Variants in CNTNAP5 observed in about 807,000 individuals in gnomAD.
CNTNAP5 encodes the protein contactin associated protein family member 5.
In CNTNAP5, 72 loss-of-function variants were observed where a neutral mutation model predicts 150.2. That is an observed-to-expected ratio of 0.48 (90% CI 0.40 to 0.58). The LOEUF (loss-of-function observed/expected upper bound fraction) is 0.58, where lower values mean the gene tolerates loss of function less well. CNTNAP5 is among the 20% of genes least tolerant of loss of function. CNTNAP5 has a pLI of 0.00. For missense variants in CNTNAP5, 1,636 were observed against 1,626.2 expected, an observed-to-expected ratio of 1.01 and a Z score of -0.10; for synonymous variants, 672 against 619.8, an observed-to-expected ratio of 1.08 and a Z score of -1.25.
At chr2:124,083,976 A>C (rs925031224) in intron 1 of CNTNAP5, among the ~76,000 whole-genome samples, 3 of 152,086 alleles carry the variant, frequency 2.0e-5, no homozygotes, top group African/African-American at 7.2e-5. Context: ...AGGTTTGGGG[A>C]CAACTGACAT....
chr2:124,428,936 TG>T (rs1692303964), intron 4 of CNTNAP5, among the ~76,000 whole-genome samples: 1 of 152,188 alleles, frequency 6.6e-6, no homozygotes, highest in Admixed American at 6.5e-5. Context: ...AAAGAGCCCA[TG>T]TCTACCCTTT....
intron 2 of CNTNAP5, among the ~76,000 whole-genome samples, chr2:124,223,119 G>A (rs1686367719): frequency 6.6e-6 from 1 of 152,050 alleles, no homozygotes; most frequent in Admixed American, 6.6e-5. Flanking sequence ...TTTACCTTCA[G>A]GTAGGGTTCC....
intron 13 of CNTNAP5, among the ~76,000 whole-genome samples, chr2:124,715,134 G>A (rs1679916869): frequency 6.6e-6 from 1 of 152,168 alleles, no homozygotes; most frequent in Non-Finnish European, 1.5e-5. Flanking sequence ...CAAGGCAGCT[G>A]AACTGAGTGG....
chr2:124,525,989 G>C (rs1324468900), intron 9 of CNTNAP5, among the ~76,000 whole-genome samples: 1 of 152,148 alleles, frequency 6.6e-6, no homozygotes, highest in East Asian at 1.9e-4. Context: ...GGTCCGAAAA[G>C]ATAACCTCAC....
intron 13 of CNTNAP5, among the ~76,000 whole-genome samples, chr2:124,653,032 A>G (rs1678355625): frequency 6.6e-6 from 1 of 152,226 alleles, no homozygotes; most frequent in African/African-American, 2.4e-5. Flanking sequence ...CAAATCAGTC[A>G]TGGAAGCAAG....
intron 1 of CNTNAP5, among the ~76,000 whole-genome samples, chr2:124,049,673 C>CGAT (rs1681638793): frequency 6.6e-6 from 1 of 152,060 alleles, no homozygotes; most frequent in Non-Finnish European, 1.5e-5. Context: ...ATACCTACCC[C>CGAT]GATGATTAAG....
At chr2:124,382,056 A>T (rs986297976) in intron 3 of CNTNAP5, among the ~76,000 whole-genome samples, 2 of 152,174 alleles carry the variant, frequency 1.3e-5, no homozygotes, top group African/African-American at 4.8e-5. Context: ...GATTTGTGAG[A>T]TGTATTAAGG....
intron 8 of CNTNAP5, among the ~76,000 whole-genome samples, chr2:124,522,083 C>A (rs1694858459): frequency 6.6e-6 from 1 of 152,122 alleles, no homozygotes; most frequent in Admixed American, 6.5e-5. Flanking sequence ...GCAGATGGGT[C>A]ACAGCTGCCC....
intron 13 of CNTNAP5, among the ~76,000 whole-genome samples, chr2:124,713,988 T>G (rs567256899): frequency 1.3e-5 from 2 of 152,286 alleles, no homozygotes; most frequent in African/African-American, 4.8e-5. Flanking sequence ...CTCTTGACTT[T>G]GCACATGTGG....
intron 10 of CNTNAP5, among the ~76,000 whole-genome samples, chr2:124,559,682 C>T (rs894970503): frequency 1.3e-5 from 2 of 152,090 alleles, no homozygotes; most frequent in Admixed American, 6.6e-5. Flanking sequence ...TTAATGTCTT[C>T]GATGCTCAGT....
At chr2:124,259,882 G>A (rs2104599578) in intron 3 of CNTNAP5, among the ~76,000 whole-genome samples, 1 of 152,246 alleles carries the variant, frequency 6.6e-6, no homozygotes, top group South Asian at 2.1e-4. Context: ...CAAACAAATG[G>A]AAGCACATTC....
At position 124,647,818 on chromosome 2, in the gene CNTNAP5, C is replaced by T; in HGVS notation, c.1937C>T (p.Ala646Val). The T allele has an allele frequency of 6.2e-7, 1 of 1,613,540 alleles. No individual in the cohort carries two copies. ...NNTELTRVRGANPEKPYAMAL... is the reference protein window; with the variant it reads ...NNTELTRVRGVNPEKPYAMAL... ...ACAGAGCTGACCCGAGTGCGGGGCG[C>T]TAACCCTGAGAAGCCCTATGCCATG... The change falls in exon 13 of 24, where the codon GCT becomes GTT. Residue 646 changes from alanine (A) to valine (V), a missense_variant. Transcript: ENST00000682447.
chr2:124,728,928 GTGAATTTCCAA>G (rs1680214642), intron 13 of CNTNAP5, among the ~76,000 whole-genome samples: 1 of 135,414 alleles, frequency 7.4e-6, no homozygotes, highest in Non-Finnish European at 1.7e-5. Context: ...ATTTCCAAAT[GTGAATTTCCAA>G]ATATGCTTAA....
chr2:124,329,076 G>A (rs930359439), intron 3 of CNTNAP5, among the ~76,000 whole-genome samples: 3 of 152,110 alleles, frequency 2.0e-5, no homozygotes, highest in Non-Finnish European at 4.4e-5. Context: ...GAAGTAAATC[G>A]GCCCAAAGAG....
intron 19 of CNTNAP5, among the ~76,000 whole-genome samples, chr2:124,805,840 G>C (rs190916900): frequency 6.6e-6 from 1 of 152,064 alleles, no homozygotes; most frequent in South Asian, 2.1e-4. Flanking sequence ...ATCTTTCCTC[G>C]TGAATGAGGA....
At chr2:124,648,987 G>A (rs941156033) in intron 13 of CNTNAP5, among the ~76,000 whole-genome samples, 5 of 152,180 alleles carry the variant, frequency 3.3e-5, no homozygotes, top group Admixed American at 3.3e-4. Flanking sequence ...CCTTGATCTA[G>A]GATCTTCAGG....
intron 13 of CNTNAP5, among the ~76,000 whole-genome samples, chr2:124,730,646 T>C (rs1680251174): frequency 6.6e-6 from 1 of 152,088 alleles, no homozygotes; most frequent in Admixed American, 6.6e-5. Flanking sequence ...TTTTATCTAG[T>C]TTTATAAGAC....
At chr2:124,402,107 T>C (rs1691440326) in intron 3 of CNTNAP5, among the ~76,000 whole-genome samples, 1 of 152,116 alleles carries the variant, frequency 6.6e-6, no homozygotes, top group Non-Finnish European at 1.5e-5. Context: ...TTCACAGGGG[T>C]AAAAGAATAA....
At chr2:124,541,444 T>C (rs1402630099) in intron 10 of CNTNAP5, among the ~76,000 whole-genome samples, 1 of 152,002 alleles carries the variant, frequency 6.6e-6, no homozygotes, top group Non-Finnish European at 1.5e-5. Flanking sequence ...CTACTCAAAA[T>C]AAACACCAGT....
Sources: allele counts gnomAD v4.1 joint callset (sites outside exome capture counted in the v4.1 genomes callset), GRCh38; gene constraint gnomAD v4.1.1; transcripts MANE v1.5; gene names NCBI Gene and HGNC (gene_info 2026-07-23, HGNC 2026-07-21).